LRP1: variants seen among roughly 807,000 people sequenced by gnomAD.
LRP1 encodes the protein LDL receptor related protein 1.
A neutral mutation model predicts 541.5 loss-of-function variants in LRP1; 51 were observed. That is an observed-to-expected ratio of 0.09 (90% CI 0.08 to 0.12). The LOEUF (loss-of-function observed/expected upper bound fraction) is 0.12. LRP1 is among the 10% of genes least tolerant of loss of function. The pLI is 1.00. For missense variants in LRP1, 3,878 were observed against 6,376.2 expected, an observed-to-expected ratio of 0.61 and a Z score of 13.34; for synonymous variants, 2,219 against 2,470.8, an observed-to-expected ratio of 0.90 and a Z score of 3.02.
At chr12:57,191,066 T>A in intron 43 of LRP1, 57 bp downstream of exon 43, 1 of 1,534,652 alleles carries the variant, frequency 6.5e-7, no homozygotes, top group Non-Finnish European at 8.8e-7. Flanking sequence ...AGGGCCAGGG[T>A]CAGCCGTCAA....
At chr12:57,194,192 G>T (rs561876371) in intron 48 of LRP1, among the ~76,000 whole-genome samples, 162 bp from the exon 49 acceptor site, 1 of 152,222 alleles carries the variant, frequency 6.6e-6, no homozygotes, top group Non-Finnish European at 1.5e-5. Context: ...CTCTCGTGGG[G>T]TTCCGAGAGG....
In LRP1 at chr12:57,191,374, C is replaced by A; in HGVS notation, c.7291C>A (p.His2431Asn). 1.2e-6 allele frequency: 2 copies of A among 1,613,260 alleles called. No homozygotes were observed. The highest frequency in any genetic ancestry group is 1.3e-5 in the African/African-American group (1 of 74,956). The change falls in exon 44 of 89, where the codon CAC (histidine) becomes AAC (asparagine). Residue 2431 changes from histidine (H) to asparagine (N), a missense_variant. By Grantham distance (68) the His-to-Asn change is moderately conservative (BLOSUM62 1). This residue lies in a region of LRP1 where 1,100 missense variants were observed against 1,827.4 expected (regional missense o/e 0.60). Coordinates refer to ENST00000243077, the MANE Select transcript of LRP1 (RefSeq NM_002332.3). Reference protein sequence around the residue: ...HPFGLAVYGEHIFWTDWVRRA... With the variant: ...HPFGLAVYGENIFWTDWVRRA... ...CTTCGGGCTGGCCGTGTATGGGGAG[C>A]ACATTTTCTGGACTGACTGGGTGCG...
At chr12:57,130,225 A>T (rs973942902) in intron 1 of LRP1, among the ~76,000 whole-genome samples, 3 of 152,114 alleles carry the variant, frequency 2.0e-5, no homozygotes, top group African/African-American at 7.2e-5. Flanking sequence ...ACTGGGCTGG[A>T]TACCATCATA....
chr12:57,183,527 C>A lies in LRP1; in HGVS notation c.5794+17C>A. On this transcript the variant is annotated intron_variant, in intron 35 of 88. Transcript: ENST00000243077. This position sits in a 1 kb window ranked among gnomAD's most constrained non-coding sequence, Gnocchi z 6.1. ...TCCACGCTGGTGAGCCATTTGGTGG[C>A]AGAGGGAGTTGGGCGTGGCGTAGGA... The A allele has an allele frequency of 1.2e-6, 2 of 1,610,180 alleles. No individual in the cohort carries two copies. Among genetic ancestry groups the A allele is most frequent in the Admixed American group, 1.7e-5 (1 of 59,778 alleles).
chr12:57,202,864 C>T, intron 68 of LRP1: 1 of 569,252 alleles, frequency 1.8e-6, no homozygotes, highest in South Asian at 2.2e-5. Flanking sequence ...CTTGATTGAC[C>T]TCTCCCCAAA....
Position 57,178,247 on chromosome 12 carries a change from A to T in LRP1, c.4362-112A>T. The T allele has an allele frequency of 1.5e-6, 2 of 1,300,382 alleles. No individual in the cohort carries two copies. The highest frequency in any genetic ancestry group is 2.1e-5 in the Admixed American group (1 of 47,670). 80.6% of individuals were successfully genotyped at this position (1,300,382 alleles called of 1,614,324 possible). A position where few individuals can be genotyped will look rare whatever the true frequency, so the allele number is the denominator to read the frequency against. On this transcript the variant is annotated intron_variant, in intron 26 of 88. Coordinates refer to ENST00000243077, the MANE Select transcript of LRP1 (RefSeq NM_002332.3). This position sits in a 1 kb window ranked among gnomAD's most constrained non-coding sequence, Gnocchi z 5.8. ...AAGGCTTAGGGGAGGGAATGGTCCCATGCTCTTCGCTGGGAGGGCTGTGGC... is the reference window on the plus strand; with the variant it reads ...AAGGCTTAGGGGAGGGAATGGTCCCTTGCTCTTCGCTGGGAGGGCTGTGGC...
chr12:57,200,826 G>GGGGGCCCCCC lies in LRP1; in HGVS notation c.10225+11_10225+12insGGGGCCCCCC. 1 of 1,581,428 alleles carries GGGGGCCCCCC rather than the reference G, an allele frequency of 6.3e-7. No individual in the cohort carries two copies. Among genetic ancestry groups the GGGGGCCCCCC allele is most frequent in the Non-Finnish European group, 8.6e-7 (1 of 1,157,670 alleles). On this transcript the variant is annotated intron_variant, in intron 64 of 88. Coordinates refer to ENST00000243077, the MANE Select transcript of LRP1 (RefSeq NM_002332.3). Reference sequence around the variant, plus strand: ...ACGAGGCCAACTGTGGTAAGGCGCTGCCCGCCCACCCTCCCTCCTTCCCCA... The same window carrying GGGGGCCCCCC: ...ACGAGGCCAACTGTGGTAAGGCGCTGGGGGCCCCCCCCCGCCCACCCTCCCTCCTTCCCCA...
At chr12:57,133,211 G>GT (rs934155855) in intron 1 of LRP1, among the ~76,000 whole-genome samples, 2 of 152,046 alleles carry the variant, frequency 1.3e-5, no homozygotes, top group Non-Finnish European at 2.9e-5. Context: ...TGTGGCTGGG[G>GT]TGGGGGGAGA....
chr12:57,202,275 C>A, intron 67 of LRP1, 146 bp from the exon 68 acceptor site: 1 of 724,948 alleles, frequency 1.4e-6, no homozygotes, highest in Non-Finnish European at 2.5e-6. Context: ...CCCCACGTCT[C>A]AAAACACCGC....
rs536146139 is a variant in LRP1, at chr12:57,156,862, G to A, written c.1503G>A (p.Ala501=). 3.1e-5 allele frequency: 49 copies of A among 1,598,600 alleles called. 2 individuals are homozygous for A. The highest frequency in any genetic ancestry group is 3.0e-4 in the South Asian group (27 of 90,606). ...DICLLANSHK[A]RTCRCRSGFS... is the part of the protein sequence containing the mutation. ...GCCTGCTGGCCAACAGCCACAAGGC[G>A]CGGACCTGCCGCTGCCGTTCCGGCT... The change falls in exon 10 of 89, where the codon GCG becomes GCA. Residue 501 remains alanine (A), a synonymous_variant. Coordinates refer to ENST00000243077, the MANE Select transcript of LRP1 (RefSeq NM_002332.3). The surrounding 1 kb of genome is among the most constrained non-coding windows in gnomAD (Gnocchi z 5.2).
In LRP1 at chr12:57,211,976, G is replaced by C. The variant is rs2036928037; in HGVS notation, c.13308G>C (p.Leu4436=). The C allele has an allele frequency of 6.2e-7, 1 of 1,614,040 alleles. No homozygotes were observed. Among genetic ancestry groups the C allele is most frequent in the African/African-American group, 1.3e-5 (1 of 74,920 alleles). Residue 4436 remains leucine, a synonymous_variant, in exon 87 of 89, where the codon CTG becomes CTC. Transcript: ENST00000243077. The surrounding 1 kb of genome is among the most constrained non-coding windows in gnomAD (Gnocchi z 4.3). ...TGCTGTTGCTGCTGCTGCTGGTTCT[G>C]GTGGCCGGAGTGGTATTCTGGTATA... ...IPLLLLLLLV[L]VAGVVFWYKR... is the part of the protein sequence containing the mutation.
At chr12:57,174,372 T>C (rs1287208269) in intron 22 of LRP1, among the ~76,000 whole-genome samples, 1 of 152,018 alleles carries the variant, frequency 6.6e-6, no homozygotes, top group East Asian at 1.9e-4. Context: ...GGAGTGCTCT[T>C]GTGGAGACAA....
At position 57,208,822 on chromosome 12, in the gene LRP1, G is replaced by A; in HGVS notation, c.12145+5G>A. The stretch of plus-strand genomic sequence containing the variant: ...ACAACATTCAGTGGCCCACAGGTTT[G>A]TGGGGCAGGGTGCAGGAGGGACGGG... On this transcript the variant is annotated splice_donor_5th_base_variant and intron_variant, in intron 78 of 88. Transcript: ENST00000243077. 2 of 1,610,998 alleles carry A rather than the reference G, an allele frequency of 1.2e-6. No homozygotes were observed. Among genetic ancestry groups the A allele is most frequent in the Non-Finnish European group, 1.7e-6 (2 of 1,177,298 alleles).
At position 57,162,565 on chromosome 12, in the gene LRP1, G is replaced by C. The variant is rs747321753; in HGVS notation, c.2404+47G>C. Reference sequence around the variant, plus strand: ...CAGCGTGGGACCTGGAAGGGGTGGTGGGACTTAGGCATTGATTTGAGACTT... The same window carrying C: ...CAGCGTGGGACCTGGAAGGGGTGGTCGGACTTAGGCATTGATTTGAGACTT... On this transcript the variant is annotated intron_variant, in intron 14 of 88. Coordinates refer to ENST00000243077, the MANE Select transcript of LRP1 (RefSeq NM_002332.3). This position sits in a 1 kb window ranked among gnomAD's most constrained non-coding sequence, Gnocchi z 5.2. 2 of 1,603,158 alleles carry C rather than the reference G, an allele frequency of 1.2e-6. No individual in the cohort carries two copies. Among genetic ancestry groups the C allele is most frequent in the South Asian group, 2.2e-5 (2 of 90,662 alleles).
chr12:57,160,024 T>G lies in LRP1; in HGVS notation c.1979+19T>G. On this transcript the variant is annotated intron_variant, in intron 12 of 88. Transcript: ENST00000243077. ...TCAATGGGTGAGTCCTCCCAGGCCT[T>G]GGGGTGGGAGGAGCTGGGAGTGTGT... 6.2e-7 allele frequency: 1 copy of G among 1,611,164 alleles called. No homozygotes were observed. Among genetic ancestry groups the G allele is most frequent in the Non-Finnish European group, 8.5e-7 (1 of 1,177,848 alleles).
At chr12:57,176,914 G>T in intron 24 of LRP1, 127 bp from the exon 25 acceptor site, 1 of 747,088 alleles carries the variant, frequency 1.3e-6, no homozygotes, top group South Asian at 1.6e-5. Context: ...TCTTGAATAT[G>T]GGCACATCAG....
At chr12:57,133,710 C>T (rs2035090319) in intron 1 of LRP1, among the ~76,000 whole-genome samples, 1 of 150,066 alleles carries the variant, frequency 6.7e-6, no homozygotes, top group Admixed American at 6.7e-5. Context: ...AGAGAACCCC[C>T]CTCTCACCTA....
Position 57,154,334 on chromosome 12 carries a change from A to G in LRP1, c.968A>G (p.Tyr323Cys), listed in dbSNP as rs1211016774. 4 of 1,614,100 alleles carry G rather than the reference A, an allele frequency of 2.5e-6. No homozygotes were observed. Among genetic ancestry groups the G allele is most frequent in the African/African-American group, 1.3e-5 (1 of 75,062 alleles). ...TCVTLLDLEL[Y>C]NPKGIALDPA... ...GTCACATTGCTAGACCTGGAACTCT[A>G]CAACCCCAAGGGCATTGCCCTGGAC... Residue 323 changes from tyrosine to cysteine, a missense_variant, in exon 7 of 89, where the codon TAC becomes TGC. Tyr to Cys is a radical substitution (Grantham distance 194). Around this residue, in one of 13 missense-constraint regions of LRP1, gnomAD observed 496 missense variants for 861.0 expected, o/e 0.58. Transcript: ENST00000243077. This position sits in a 1 kb window ranked among gnomAD's most constrained non-coding sequence, Gnocchi z 4.6.
Position 57,199,863 on chromosome 12 carries a change from G to C in LRP1, c.9866-14G>C. Reference sequence around the variant, plus strand: ...AGAAAATGTCACCATATTTCACGACGTTTTCTCTGGCAGTGCCCAATCACC... The same window carrying C: ...AGAAAATGTCACCATATTTCACGACCTTTTCTCTGGCAGTGCCCAATCACC... On this transcript the variant is annotated splice_polypyrimidine_tract_variant and intron_variant, in intron 61 of 88. Coordinates refer to ENST00000243077, the MANE Select transcript of LRP1 (RefSeq NM_002332.3). 6.3e-7 allele frequency: 1 copy of C among 1,577,472 alleles called. No individual in the cohort carries two copies. Among genetic ancestry groups the C allele is most frequent in the Non-Finnish European group, 8.6e-7 (1 of 1,164,294 alleles).
Sources: gnomAD v4.1 joint callset for allele counts (sites outside exome capture counted in the v4.1 genomes callset) on GRCh38, gnomAD v4.1.1 for gene constraint, gnomAD v4.1.1 regional missense constraint, Gnocchi (gnomAD v3.1) non-coding constraint, MANE v1.5 for transcripts, NCBI Gene and HGNC (gene_info 2026-07-23, HGNC 2026-07-21) for gene names.